Variants in TPCN1 observed in about 807,000 individuals in gnomAD.
TPCN1 encodes two pore channel protein 1.
TPCN1 carries 52 observed loss-of-function variants against 108.8 expected under a neutral mutation model. That is an observed-to-expected ratio of 0.48 (90% CI 0.38 to 0.60). TPCN1 has a LOEUF of 0.60. TPCN1 is among the 20% of genes least tolerant of loss of function. TPCN1 has a pLI of 0.00. For missense variants in TPCN1, 806 were observed against 1,072.8 expected, an observed-to-expected ratio of 0.75 and a Z score of 3.47; for synonymous variants, 446 against 433.7, an observed-to-expected ratio of 1.03 and a Z score of -0.35.
chr12:113,278,736 C>T (rs1410444949), intron 13 of TPCN1, 36 bp from the exon 14 acceptor site: 2 of 1,600,728 alleles, frequency 1.2e-6, no homozygotes, highest in East Asian at 2.2e-5. Flanking sequence ...GGTCCCTGGC[C>T]CTGACACCCT....
In TPCN1 at chr12:113,273,429, A is replaced by G; in HGVS notation, c.842+139A>G. On this transcript the variant is annotated intron_variant, in intron 9 of 27. Coordinates refer to ENST00000335509, the MANE Select transcript of TPCN1 (RefSeq NM_017901.6). The surrounding 1 kb of genome is among the most constrained non-coding windows in gnomAD (Gnocchi z 4.0). ...GGGAGACAGGGTTGGCCCACTGAGCACGGAGCCCAGGGATGAGAGTAGGGG... is the reference window on the plus strand; with the variant it reads ...GGGAGACAGGGTTGGCCCACTGAGCGCGGAGCCCAGGGATGAGAGTAGGGG... 7.9e-7 allele frequency: 1 copy of G among 1,261,816 alleles called. No homozygotes were observed. The highest frequency in any genetic ancestry group is 1.2e-6 in the Non-Finnish European group (1 of 864,166). The allele number at this position is 1,261,816 out of a possible 1,614,324, so 78.2% of individuals were successfully genotyped here.
At chr12:113,270,485 G>GT (rs1277404327) in intron 7 of TPCN1, among the ~76,000 whole-genome samples, 5,220 of 142,390 alleles carry the variant, frequency 0.037, 231 homozygotes, top group East Asian at 0.15. Context: ...GTTTTGTTTT[G>GT]TTTTTTTTTT....
chr12:113,261,425 T>TC (rs916255972), intron 3 of TPCN1, among the ~76,000 whole-genome samples: 2 of 141,790 alleles, frequency 1.4e-5, no homozygotes, highest in African/African-American at 2.7e-5. Flanking sequence ...TTTTTTTTTT[T>TC]TTTTTTTTCT....
intron 2 of TPCN1, among the ~76,000 whole-genome samples, chr12:113,257,282 C>T (rs1031356812): frequency 7.9e-5 from 12 of 152,102 alleles, no homozygotes; most frequent in African/African-American, 1.9e-4. Context: ...ACCTGAGGTT[C>T]GGAATTCAAG....
rs771141194 is a variant in TPCN1 at position 113,232,063 on chromosome 12, T to C, written c.112+5099T>C. ...CTGCTGCCTAAGATGGGCTGGACCATGTGCCTTTTCTGAGTGAAGGAAGGA... is the reference window on the plus strand; with the variant it reads ...CTGCTGCCTAAGATGGGCTGGACCACGTGCCTTTTCTGAGTGAAGGAAGGA... On this transcript the variant is annotated intron_variant, in intron 2 of 27. Transcript: ENST00000335509. This position sits in a 1 kb window ranked among gnomAD's most constrained non-coding sequence, Gnocchi z 5.6. Among the ~76,000 whole-genome samples, 25 of 152,356 alleles carry C rather than the reference T, an allele frequency of 1.6e-4. No individual in the cohort carries two copies. Among genetic ancestry groups the C allele is most frequent in the Middle Eastern group, 3.4e-3 (1 of 294 alleles).
chr12:113,275,177 G>T (rs980444222), intron 10 of TPCN1, among the ~76,000 whole-genome samples: 1 of 152,166 alleles, frequency 6.6e-6, no homozygotes, highest in African/African-American at 2.4e-5. Flanking sequence ...CCACAGTCAG[G>T]CCCAGTATAG....
chr12:113,288,073 G>T lies in TPCN1; in HGVS notation c.1635-90G>T. The T allele has an allele frequency of 1.5e-6, 2 of 1,292,688 alleles. No homozygotes were observed. Among genetic ancestry groups the T allele is most frequent in the Non-Finnish European group, 2.2e-6 (2 of 912,820 alleles). The allele number at this position is 1,292,688 out of a possible 1,614,324, so 80.1% of individuals were successfully genotyped here. A position where few individuals can be genotyped will look rare whatever the true frequency, so the allele number is the denominator to read the frequency against. ...AGGCCCTCACCTGTCTTCACCGCAT[G>T]GCGTGTGGAAGGCGGGGCCGGCATG... On this transcript the variant is annotated intron_variant, in intron 19 of 27. Coordinates refer to ENST00000335509, the MANE Select transcript of TPCN1 (RefSeq NM_017901.6). The surrounding 1 kb of genome is among the most constrained non-coding windows in gnomAD (Gnocchi z 4.8).
rs1313968360 is a variant in TPCN1, at chr12:113,288,647, G to A, written c.1707-111G>A. 1.5e-5 allele frequency: 23 copies of A among 1,552,230 alleles called. No homozygotes were observed. The highest frequency in any genetic ancestry group is 6.8e-5 in the East Asian group (3 of 44,348). On this transcript the variant is annotated intron_variant, in intron 20 of 27. Coordinates refer to ENST00000335509, the MANE Select transcript of TPCN1 (RefSeq NM_017901.6). The surrounding 1 kb of genome is among the most constrained non-coding windows in gnomAD (Gnocchi z 4.8). ...GCAGGCACTTTCCAGTTGGTGAACC[G>A]ACCAGGGGCATGGCCCTGCAGTCAG...
intron 2 of TPCN1, among the ~76,000 whole-genome samples, chr12:113,251,842 A>G (rs190099582): frequency 6.7e-4 from 102 of 152,314 alleles, no homozygotes; most frequent in African/African-American, 1.8e-3. Flanking sequence ...CTTCGGCCTT[A>G]CCCGATTGAT....
chr12:113,263,969 C>T (rs1955145348), intron 3 of TPCN1, among the ~76,000 whole-genome samples: 1 of 152,346 alleles, frequency 6.6e-6, no homozygotes, highest in East Asian at 1.9e-4. Flanking sequence ...TCTTCTGGGA[C>T]AACTCCAAGT....
At chr12:113,230,623 C>T (rs145355548) in intron 2 of TPCN1, among the ~76,000 whole-genome samples, 1 of 152,130 alleles carries the variant, frequency 6.6e-6, no homozygotes, top group Non-Finnish European at 1.5e-5. Context: ...CCTTTAAAGG[C>T]CCTTTCTCCA....
At position 113,278,242 on chromosome 12, in the gene TPCN1, G is replaced by T. The variant is rs547940880; in HGVS notation, c.1233+5G>T. On this transcript the variant is annotated splice_donor_5th_base_variant and intron_variant, in intron 13 of 27. Coordinates refer to ENST00000335509, the MANE Select transcript of TPCN1 (RefSeq NM_017901.6). ...GTTGCTGCTTTGAAGTGGAAGGTGA[G>T]TTCTTCTCTGAGACCATAGAAGGAG... The T allele has an allele frequency of 6.2e-7, 1 of 1,613,696 alleles. No homozygotes were observed. Among genetic ancestry groups the T allele is most frequent in the African/African-American group, 1.3e-5 (1 of 75,018 alleles).
At position 113,288,274 on chromosome 12, in the gene TPCN1, C is replaced by T. The variant is rs779150410; in HGVS notation, c.1706+40C>T. ...CACCCTGGCCTGCAGGTCCAGGTGC[C>T]GTGTGGCAGTGCCCCGTGGGGGCGG... On this transcript the variant is annotated intron_variant, in intron 20 of 27. Transcript: ENST00000335509. The surrounding 1 kb of genome is among the most constrained non-coding windows in gnomAD (Gnocchi z 4.8). 3.0e-5 allele frequency: 48 copies of T among 1,612,726 alleles called. No individual in the cohort carries two copies. Among genetic ancestry groups the T allele is most frequent in the Non-Finnish European group, 3.6e-5 (43 of 1,179,630 alleles).
intron 2 of TPCN1, chr12:113,245,891 C>G (rs1954362033): frequency 6.6e-6 from 3 of 452,026 alleles, no homozygotes; most frequent in African/African-American, 2.0e-5. Context: ...GAAACTGTTT[C>G]TATTTATCTG....
intron 7 of TPCN1, among the ~76,000 whole-genome samples, chr12:113,271,022 A>C (rs7300258): frequency 0.091 from 13,911 of 152,104 alleles, 723 homozygotes; most frequent in East Asian, 0.21. Flanking sequence ...TTCTAGGAGG[A>C]GGAGGCAGGC....
rs550139866 is a variant in TPCN1 at position 113,231,157 on chromosome 12, G to A, written c.112+4193G>A. ...TGGCCTTTGTTTTGGCCCAGCAGCC[G>A]CTGAGGCCTTCTCAGCACTGTACCT... On this transcript the variant is annotated intron_variant, in intron 2 of 27. Coordinates refer to ENST00000335509, the MANE Select transcript of TPCN1 (RefSeq NM_017901.6). This position sits in a 1 kb window ranked among gnomAD's most constrained non-coding sequence, Gnocchi z 4.3. Among the ~76,000 whole-genome samples the A allele has an allele frequency of 2.0e-5, 3 of 152,322 alleles. No individual in the cohort carries two copies. Among genetic ancestry groups the A allele is most frequent in the East Asian group, 1.9e-4 (1 of 5,192 alleles).
At chr12:113,267,041 C>G (rs1955289843) in intron 4 of TPCN1, among the ~76,000 whole-genome samples, 1 of 152,194 alleles carries the variant, frequency 6.6e-6, no homozygotes, top group African/African-American at 2.4e-5. Context: ...TGCTGGAGTC[C>G]TTCTTCCTGT....
chr12:113,295,918 G>C (rs1342990335), intron 27 of TPCN1, 42 bp from the exon 28 acceptor site: 4 of 1,527,248 alleles, frequency 2.6e-6, no homozygotes, highest in Non-Finnish European at 1.8e-6. Flanking sequence ...GGGGCAGGGG[G>C]TGGGGTGCAG....
At position 113,266,176 on chromosome 12, in the gene TPCN1, TC is replaced by T. The variant is rs766030724; in HGVS notation, c.238-3del. On this transcript the variant is annotated splice_polypyrimidine_tract_variant and splice_region_variant and intron_variant, in intron 3 of 27. Transcript: ENST00000335509. This position sits in a 1 kb window ranked among gnomAD's most constrained non-coding sequence, Gnocchi z 4.2. ...ACATGCCCACACTACTCTCATCTTT[TC>T]AGGAAGGCGAGAACAACGACAAGTT... The T allele has an allele frequency of 6.2e-6, 10 of 1,613,886 alleles. No individual in the cohort carries two copies. The African/African-American group carries it at 1.2e-4, about 19-fold the overall frequency.
Sources: allele counts gnomAD v4.1 joint callset (sites outside exome capture counted in the v4.1 genomes callset), GRCh38; gene constraint gnomAD v4.1.1; non-coding constraint Gnocchi (gnomAD v3.1); transcripts MANE v1.5; gene names NCBI Gene and HGNC (gene_info 2026-07-23, HGNC 2026-07-21).